Variants in RIMS1 observed in about 807,000 individuals in gnomAD.
The protein encoded by RIMS1 is regulating synaptic membrane exocytosis protein 1.
In RIMS1, 83 loss-of-function variants were observed where a neutral mutation model predicts 214.1. The observed-to-expected ratio is 0.39, with a 90% CI of 0.32 to 0.47. The LOEUF (loss-of-function observed/expected upper bound fraction) is 0.47. RIMS1 is among the 20% of genes least tolerant of loss of function. The probability of loss-of-function intolerance (pLI) is 0.99; values close to 1 mark genes in which losing one functional copy is unlikely to be tolerated. For missense variants in RIMS1, 2,050 were observed against 2,161.8 expected (o/e 0.95, Z 1.03); for synonymous variants, 793 against 786.8 (o/e 1.01, Z -0.13).
intron 2 of RIMS1, among the ~76,000 whole-genome samples, chr6:72,011,034 C>T (rs1810353089): frequency 6.6e-6 from 1 of 151,144 alleles, no homozygotes; most frequent in African/African-American, 2.4e-5. Flanking sequence ...AATCCTTAGC[C>T]AAAAGAACAA....
At chr6:72,274,198 C>T (rs2084914383) in intron 22 of RIMS1, 151 bp from the exon 23 acceptor site, 1 of 534,024 alleles carries the variant, frequency 1.9e-6, no homozygotes, top group Admixed American at 2.9e-5. Context: ...CTTTCCAAGG[C>T]TTATAACAGT....
At chr6:72,233,706 A>G (rs1219184026) in intron 6 of RIMS1, 67 bp from the exon 7 acceptor site, 14 of 1,161,356 alleles carry the variant, frequency 1.2e-5, no homozygotes, top group Non-Finnish European at 1.3e-6. Context: ...TCGAAGAAGT[A>G]AAGCTTAAAG....
At chr6:72,126,139 C>T (rs1291549643) in intron 4 of RIMS1, among the ~76,000 whole-genome samples, 2 of 146,988 alleles carry the variant, frequency 1.4e-5, no homozygotes, top group Admixed American at 6.9e-5. Context: ...GCCAACTGAT[C>T]TTTAATAAAG....
chr6:72,102,726 A>C (rs893429022), intron 4 of RIMS1, among the ~76,000 whole-genome samples: 1 of 152,048 alleles, frequency 6.6e-6, no homozygotes, highest in Non-Finnish European at 1.5e-5. Context: ...TAACAGCTTA[A>C]AAAAACATTA....
intron 2 of RIMS1, among the ~76,000 whole-genome samples, chr6:72,042,361 A>C (rs1329652857): frequency 2.0e-5 from 3 of 151,866 alleles, no homozygotes; most frequent in African/African-American, 7.2e-5. Flanking sequence ...AGATCTCACA[A>C]GTTTCTACTG....
chr6:72,300,512 T>C (rs2094504838), intron 26 of RIMS1, among the ~76,000 whole-genome samples: 1 of 151,802 alleles, frequency 6.6e-6, no homozygotes, highest in South Asian at 2.1e-4. Flanking sequence ...TGGCTAAACA[T>C]TTTAGAGATC....
intron 26 of RIMS1, among the ~76,000 whole-genome samples, chr6:72,296,946 TTTAG>T (rs1407997031): frequency 6.6e-6 from 1 of 151,926 alleles, no homozygotes; most frequent in Non-Finnish European, 1.5e-5. Context: ...TGTATCCTAT[TTTAG>T]TAAGTACAAA....
chr6:72,286,529 C>A (rs893550012), intron 24 of RIMS1, among the ~76,000 whole-genome samples: 15 of 152,114 alleles, frequency 9.9e-5, no homozygotes, highest in Admixed American at 6.5e-4. Flanking sequence ...AAGCTGTAAC[C>A]TTTTAGATGT....
chr6:71,921,671 T>C (rs1780029615), intron 1 of RIMS1, among the ~76,000 whole-genome samples: 2 of 152,222 alleles, frequency 1.3e-5, no homozygotes, highest in Admixed American at 1.3e-4. Flanking sequence ...AAGGCTTTTT[T>C]CATAAGTAGT....
intron 16 of RIMS1, among the ~76,000 whole-genome samples, chr6:72,257,371 CTG>C (rs779243958): frequency 5.3e-5 from 8 of 151,872 alleles, no homozygotes; most frequent in South Asian, 2.1e-4. Flanking sequence ...GAAAAAGTGA[CTG>C]TTATAATTTA....
At chr6:72,275,955 C>A (rs1408038929) in intron 23 of RIMS1, among the ~76,000 whole-genome samples, 1 of 152,138 alleles carries the variant, frequency 6.6e-6, no homozygotes, top group Non-Finnish European at 1.5e-5. Flanking sequence ...ACTTGCAATC[C>A]CAGCACTTTG....
chr6:72,221,801 AT>A (rs1266917578), intron 6 of RIMS1, among the ~76,000 whole-genome samples: 3 of 151,596 alleles, frequency 2.0e-5, no homozygotes, highest in Non-Finnish European at 4.4e-5. Context: ...TATAATTACT[AT>A]AATTTGGTAT....
intron 2 of RIMS1, among the ~76,000 whole-genome samples, chr6:72,074,242 A>C (rs1227601976): frequency 6.6e-6 from 1 of 152,204 alleles, no homozygotes; most frequent in African/African-American, 2.4e-5. Flanking sequence ...CCCACAAAGC[A>C]ACATTCATAA....
At chr6:72,033,847 A>G (rs1018282907) in intron 2 of RIMS1, among the ~76,000 whole-genome samples, 1 of 152,142 alleles carries the variant, frequency 6.6e-6, no homozygotes, top group African/African-American at 2.4e-5. Flanking sequence ...ACTAAAGAAA[A>G]ACCATTAGGA....
At chr6:72,103,483 A>C (rs538767115) in intron 4 of RIMS1, among the ~76,000 whole-genome samples, 1 of 152,252 alleles carries the variant, frequency 6.6e-6, no homozygotes, top group African/African-American at 2.4e-5. Context: ...TCAAGAAATT[A>C]TAATTTTTCA....
At chr6:72,151,337 C>T (rs865857238) in intron 4 of RIMS1, among the ~76,000 whole-genome samples, 7 of 152,110 alleles carry the variant, frequency 4.6e-5, no homozygotes, top group African/African-American at 1.4e-4. Flanking sequence ...CCACTGTACC[C>T]GGCCCATATA....
rs188313181 is a variant in RIMS1 at position 72,045,671 on chromosome 6, T to C, written c.246-51278T>C. Among the ~76,000 whole-genome samples, 22 of 152,124 alleles carry C rather than the reference T, an allele frequency of 1.4e-4. No homozygotes were observed. In the South Asian group the frequency reaches 3.3e-3, roughly 23 times the overall value. On this transcript the variant is annotated intron_variant, in intron 2 of 33. Transcript: ENST00000521978. ...TGCCACAGATGCATAGGACATCGTA[T>C]GTTTTAAAATCTTTTCCAGCTTTAT...
chr6:72,118,010 A>G (rs1278228096), intron 4 of RIMS1, among the ~76,000 whole-genome samples: 1 of 151,972 alleles, frequency 6.6e-6, no homozygotes, highest in East Asian at 1.9e-4. Flanking sequence ...AGATATACAA[A>G]ATCAATAGAC....
intron 6 of RIMS1, among the ~76,000 whole-genome samples, chr6:72,197,617 G>A (rs1322987952): frequency 6.6e-6 from 1 of 152,104 alleles, no homozygotes; most frequent in Non-Finnish European, 1.5e-5. Context: ...CGACAAAGGT[G>A]ACTGGACAAA....
Sources: gnomAD v4.1 joint callset for allele counts (sites outside exome capture counted in the v4.1 genomes callset) on GRCh38, gnomAD v4.1.1 for gene constraint, MANE v1.5 for transcripts, NCBI Gene and HGNC (gene_info 2026-07-23, HGNC 2026-07-21) for gene names.